Variants in ADGRF3 observed in about 807,000 individuals in gnomAD.
ADGRF3 encodes G protein-coupled receptor 113.
In ADGRF3, 85 loss-of-function variants were observed where a neutral mutation model predicts 93.2. That is an observed-to-expected ratio of 0.91 (90% CI 0.77 to 1.09). The LOEUF is 1.09. ADGRF3 is among the 50% of genes least tolerant of loss of function. The pLI is 0.00. For synonymous variants in ADGRF3, 534 were observed against 532.5 expected (o/e 1.00, Z -0.04); for missense variants, 1,125 against 1,246.2 (o/e 0.90, Z 1.46).
chr2:26,316,280 G>A lies in ADGRF3; in HGVS notation c.494C>T (p.Pro165Leu). 1 of 1,551,358 alleles carries A rather than the reference G, an allele frequency of 6.4e-7. No individual in the cohort carries two copies. Among genetic ancestry groups the A allele is most frequent in the Non-Finnish European group, 8.7e-7 (1 of 1,146,812 alleles). Residue 165 changes from proline to leucine, a missense_variant, in exon 4 of 14, where the codon CCA becomes CTA. Pro to Leu is a moderately conservative substitution (Grantham distance 98, BLOSUM62 -3). Transcript: ENST00000651242. The part of the protein sequence containing the change: ...HPEPGYCQLL[P>L]PVPGILNLNS... ...AAGTTCCCAACCTTCCTCACCAGGTGGCAGCAACTGGCAGTACCCGGGTTC... is the reference window on the plus strand; with the variant it reads ...AAGTTCCCAACCTTCCTCACCAGGTAGCAGCAACTGGCAGTACCCGGGTTC...
At chr2:26,323,094 G>A (rs561405490) in intron 1 of ADGRF3, among the ~76,000 whole-genome samples, 1 of 152,112 alleles carries the variant, frequency 6.6e-6, no homozygotes, top group South Asian at 2.1e-4. Flanking sequence ...AGCCGAGATT[G>A]CACCACTGCA....
chr2:26,319,369 C>T (rs1204699698), intron 1 of ADGRF3, among the ~76,000 whole-genome samples: 1 of 152,158 alleles, frequency 6.6e-6, no homozygotes, highest in Non-Finnish European at 1.5e-5. Flanking sequence ...GTCATGTTCC[C>T]AAGGACCTGG....
intron 1 of ADGRF3, among the ~76,000 whole-genome samples, chr2:26,330,109 G>C (rs1195552991): frequency 6.6e-6 from 1 of 152,180 alleles, no homozygotes; most frequent in Admixed American, 6.5e-5. Context: ...CACAAGTTCT[G>C]ATCAACCTAC....
chr2:26,314,624 C>T lies in ADGRF3; in HGVS notation c.719-1G>A, dbSNP rs369039398. 4.5e-5 allele frequency: 72 copies of T among 1,613,280 alleles called. No individual in the cohort carries two copies. The African/African-American group carries it at 6.0e-4, about 13-fold the overall frequency. The stretch of plus-strand genomic sequence containing the variant: ...GCCTCGAAGCAGCTCATGTACTCAC[C>T]TGCAGAAACGTGTGTGCGGCGCTAT... On this transcript the variant is annotated splice_acceptor_variant, in intron 5 of 13. Transcript: ENST00000651242. LOFTEE classifies it high-confidence loss of function.
chr2:26,313,339 G>T, intron 8 of ADGRF3, 38 bp downstream of exon 8: 1 of 1,518,706 alleles, frequency 6.6e-7, no homozygotes, highest in Admixed American at 2.1e-5. Flanking sequence ...AGGGTGGGCC[G>T]TGGAGGGGGC....
At chr2:26,343,449 T>A (rs200308720) in intron 1 of ADGRF3, among the ~76,000 whole-genome samples, 1 of 150,646 alleles carries the variant, frequency 6.6e-6, no homozygotes, top group Non-Finnish European at 1.5e-5. Flanking sequence ...TTTTTTTTTT[T>A]ATTTTTTTGA....
At position 26,346,576 on chromosome 2, in the gene ADGRF3, T is replaced by C. The variant is rs1574744119; in HGVS notation, c.-342A>G. The C allele has an allele frequency of 3.4e-6, 1 of 291,864 alleles. No individual in the cohort carries two copies. Among genetic ancestry groups the C allele is most frequent in the African/African-American group, 2.2e-5 (1 of 45,224 alleles). 18.1% of individuals were successfully genotyped at this position (291,864 alleles called of 1,614,324 possible). On this transcript the variant is annotated 5_prime_UTR_variant, in exon 1 of 14. Transcript: ENST00000651242. ...TCCCTTCCTATTTTTTTTAAACTTATTATTTTCGTAAGCCCCCGAAAGGAT... is the reference window on the plus strand; with the variant it reads ...TCCCTTCCTATTTTTTTTAAACTTACTATTTTCGTAAGCCCCCGAAAGGAT...
At chr2:26,337,675 G>A (rs912992825) in intron 1 of ADGRF3, among the ~76,000 whole-genome samples, 6 of 152,142 alleles carry the variant, frequency 3.9e-5, no homozygotes, top group African/African-American at 7.2e-5. Flanking sequence ...GCTAAGTATC[G>A]TGAGTAAATG....
At chr2:26,345,864 C>A (rs909804167) in intron 1 of ADGRF3, 5 of 485,652 alleles carry the variant, frequency 1.0e-5, no homozygotes, top group Non-Finnish European at 1.8e-5. Context: ...CCTTTCACCC[C>A]CTCTCTTGCC....
intron 1 of ADGRF3, chr2:26,318,951 C>A: frequency 6.4e-7 from 1 of 1,551,736 alleles, no homozygotes; most frequent in South Asian, 1.2e-5. Context: ...TGGGTCTCAC[C>A]CCAGTCTCAC....
intron 11 of ADGRF3, 36 bp from the exon 12 acceptor site, chr2:26,310,141 A>C (rs772494684): frequency 6.2e-6 from 10 of 1,613,888 alleles, no homozygotes; most frequent in East Asian, 2.2e-5. Context: ...TATGCCAGCC[A>C]CGGCCCCGGC....
intron 1 of ADGRF3, among the ~76,000 whole-genome samples, chr2:26,331,819 G>GT (rs531334463): frequency 1.8e-3 from 264 of 148,744 alleles, no homozygotes; most frequent in African/African-American, 6.0e-3. Flanking sequence ...TTTTGGTTTA[G>GT]TTTTTTTTTT....
rs763208063 is a variant in ADGRF3 at position 26,313,585 on chromosome 2, C to T, written c.1073-12G>A. 73 of 1,597,096 alleles carry T rather than the reference C, an allele frequency of 4.6e-5. No individual in the cohort carries two copies. In the Middle Eastern group the frequency reaches 3.8e-3, roughly 84 times the overall value. ...GGTGATGTCTCCATCTGAAGAATGA[C>T]GAGCAGGCGCTACTCAGCAATCACA... On this transcript the variant is annotated splice_polypyrimidine_tract_variant and intron_variant, in intron 7 of 13. Transcript: ENST00000651242.
intron 1 of ADGRF3, 42 bp downstream of exon 1, chr2:26,346,079 G>A: frequency 6.5e-7 from 1 of 1,536,560 alleles, no homozygotes; most frequent in Non-Finnish European, 8.8e-7. Context: ...AAGGGGCCGA[G>A]GCGGCTACGC....
rs188662671 is a variant in ADGRF3 at position 26,317,039 on chromosome 2, G to A, written c.198C>T (p.Ser66=). The A allele has an allele frequency of 3.7e-5, 60 of 1,611,514 alleles. No individual in the cohort carries two copies. In the African/African-American group the frequency reaches 3.9e-4, roughly 10 times the overall value. ...CTGGAAAGTCCAGATGTACATAGAC[G>A]GAGACCAGCGCTGATTCTACAGGAG... ...ENGAGESALV[S]VYVHLDFPDK... The change falls in exon 3 of 14, where the codon TCC becomes TCT. Residue 66 remains serine, a synonymous_variant. Transcript: ENST00000651242.
intron 5 of ADGRF3, 111 bp from the exon 6 acceptor site, chr2:26,314,734 A>G: frequency 1.0e-6 from 1 of 983,228 alleles, no homozygotes; most frequent in South Asian, 1.6e-5. Context: ...CCTGCCACCC[A>G]GTGCTTAACC....
chr2:26,313,209 C>T, intron 8 of ADGRF3, 87 bp from the exon 9 acceptor site: 12 of 1,517,482 alleles, frequency 7.9e-6, no homozygotes, highest in Non-Finnish European at 1.1e-5. Context: ...GATTGTTGAC[C>T]CCCAGAAGCC....
Position 26,318,980 on chromosome 2 carries a change from G to A in ADGRF3, c.115-1418C>T, listed in dbSNP as rs1027537805. On this transcript the variant is annotated intron_variant, in intron 1 of 13. Coordinates refer to ENST00000651242, the MANE Select transcript of ADGRF3 (RefSeq NM_001321971.2). ...GTCTCACTTACAGGTTGGGATGCTT[G>A]GGCAACTGGTGACCCCAGCAGGGGA... 5 of 1,551,650 alleles carry A rather than the reference G, an allele frequency of 3.2e-6. No individual in the cohort carries two copies. The African/African-American group carries it at 6.8e-5, about 21-fold the overall frequency.
intron 1 of ADGRF3, chr2:26,318,058 T>A (rs1185698400): frequency 1.9e-6 from 3 of 1,551,570 alleles, no homozygotes; most frequent in Non-Finnish European, 1.7e-6. Flanking sequence ...GCCCACATTG[T>A]CTGGCCCTTG....
Sources: allele counts gnomAD v4.1 joint callset (sites outside exome capture counted in the v4.1 genomes callset), GRCh38; gene constraint gnomAD v4.1.1; transcripts MANE v1.5; gene names NCBI Gene and HGNC (gene_info 2026-07-23, HGNC 2026-07-21).